Variants in NEGR1 observed in about 807,000 individuals in gnomAD.
NEGR1 encodes the protein IgLON family member 4.
A neutral mutation model predicts 40.9 loss-of-function variants in NEGR1; 10 were observed. The observed-to-expected ratio is 0.24, with a 90% CI of 0.15 to 0.42. The LOEUF is 0.42. Ranked by LOEUF, NEGR1 falls within the 10% of genes least tolerant of loss-of-function variation. The probability of loss-of-function intolerance (pLI) is 1.00; values close to 1 mark genes in which losing one functional copy is unlikely to be tolerated. For synonymous variants in NEGR1, 185 were observed against 166.8 expected, an observed-to-expected ratio of 1.11 and a Z score of -0.84; for missense variants, 352 against 438.9, an observed-to-expected ratio of 0.80 and a Z score of 1.77.
Position 71,848,727 on chromosome 1 carries a change from C to T in NEGR1, c.410-72430G>A, listed in dbSNP as rs187495778. Among the ~76,000 whole-genome samples, 396 of 152,324 alleles carry T rather than the reference C, an allele frequency of 2.6e-3. 1 individual carries two copies. Among genetic ancestry groups the T allele is most frequent in the African/African-American group, 8.7e-3 (362 of 41,578 alleles). ...TTAATGTTGCTTTCAGGCCCACTAA[C>T]GAAACATCCTTTTTGTAGCCCATGG... On this transcript the variant is annotated intron_variant, in intron 2 of 6. Coordinates refer to ENST00000357731, the MANE Select transcript of NEGR1 (RefSeq NM_173808.3).
chr1:71,483,834 A>G (rs552781094), intron 6 of NEGR1, among the ~76,000 whole-genome samples: 1 of 151,932 alleles, frequency 6.6e-6, no homozygotes, highest in African/African-American at 2.4e-5. Context: ...CATAAAATAA[A>G]TGAAAATGCC....
intron 2 of NEGR1, among the ~76,000 whole-genome samples, chr1:71,884,763 C>T (rs1041578404): frequency 2.0e-5 from 3 of 152,156 alleles, no homozygotes; most frequent in Admixed American, 1.3e-4. Context: ...GACAAAAAAA[C>T]CTATCAACAG....
rs369364525 is a variant in NEGR1 at position 71,597,412 on chromosome 1, T to TTATATATATA, written c.789-4454_789-4445dup. ...GCCTTTCTCAAGGATGGAGTTTTATTTATATATATATATATATATGTCTCT... is the reference window on the plus strand; with the variant it reads ...GCCTTTCTCAAGGATGGAGTTTTATTTATATATATATATATATATATATATATATGTCTCT... On this transcript the variant is annotated intron_variant, in intron 5 of 6. Transcript: ENST00000357731. Among the ~76,000 whole-genome samples, 549 of 120,456 alleles carry TTATATATATA rather than the reference T, an allele frequency of 4.6e-3. 6 individuals are homozygous for TTATATATATA. The highest frequency in any genetic ancestry group is 0.016 in the African/African-American group (462 of 29,348). 79.0% of individuals were successfully genotyped at this position (120,456 alleles called of 152,430 possible).
At chr1:71,729,079 C>G (rs975756356) in intron 3 of NEGR1, among the ~76,000 whole-genome samples, 5 of 151,822 alleles carry the variant, frequency 3.3e-5, no homozygotes, top group Non-Finnish European at 7.4e-5. Flanking sequence ...TTGCTCACAC[C>G]CTCTCCTTTT....
At chr1:71,765,722 T>G (rs557871494) in intron 3 of NEGR1, among the ~76,000 whole-genome samples, 1 of 152,320 alleles carries the variant, frequency 6.6e-6, no homozygotes, top group South Asian at 2.1e-4. Flanking sequence ...ATTGACATTA[T>G]TCACTATTCC....
chr1:71,897,184 C>A (rs187136280), intron 2 of NEGR1, among the ~76,000 whole-genome samples: 2 of 151,722 alleles, frequency 1.3e-5, no homozygotes, highest in Non-Finnish European at 2.9e-5. Flanking sequence ...TACTATAACT[C>A]GAAGTATTAT....
chr1:71,619,799 T>C (rs1650554665), intron 4 of NEGR1, among the ~76,000 whole-genome samples: 1 of 152,060 alleles, frequency 6.6e-6, no homozygotes, highest in Admixed American at 6.6e-5. Flanking sequence ...AGGATGAAGA[T>C]AATGAAAGTG....
chr1:71,972,435 A>G (rs1646264646), intron 1 of NEGR1, among the ~76,000 whole-genome samples: 1 of 152,208 alleles, frequency 6.6e-6, no homozygotes, highest in African/African-American at 2.4e-5. Flanking sequence ...TTCTACATAT[A>G]TGGGTCCTTT....
At chr1:72,167,931 A>G (rs985455566) in intron 1 of NEGR1, among the ~76,000 whole-genome samples, 1 of 151,900 alleles carries the variant, frequency 6.6e-6, no homozygotes, top group Non-Finnish European at 1.5e-5. Flanking sequence ...ACTTTGTAAA[A>G]ATTTTACAAA....
intron 1 of NEGR1, among the ~76,000 whole-genome samples, chr1:72,102,625 A>G (rs1221260422): frequency 6.6e-6 from 1 of 152,128 alleles, no homozygotes; most frequent in Non-Finnish European, 1.5e-5. Flanking sequence ...GGTTTTTGCT[A>G]TCTGCATACT....
chr1:72,014,059 G>T (rs1193279895), intron 1 of NEGR1, among the ~76,000 whole-genome samples: 3 of 148,572 alleles, frequency 2.0e-5, no homozygotes, highest in South Asian at 2.1e-4. Context: ...ATGCATATTA[G>T]CATTTAAAAA....
At chr1:71,477,379 A>T (rs1457870934) in intron 6 of NEGR1, 9 of 152,006 alleles carry the variant, frequency 5.9e-5, no homozygotes, top group African/African-American at 2.2e-4. Context: ...TTTCACAGGG[A>T]CTGGTCAAAG....
intron 6 of NEGR1, among the ~76,000 whole-genome samples, chr1:71,508,278 G>T (rs533465702): frequency 3.0e-4 from 45 of 152,258 alleles, no homozygotes; most frequent in Admixed American, 9.2e-4. Flanking sequence ...ACAGTTGAAT[G>T]CAGGTGGACT....
chr1:71,533,754 T>C (rs1256124968), intron 6 of NEGR1, among the ~76,000 whole-genome samples: 1 of 151,674 alleles, frequency 6.6e-6, no homozygotes, highest in African/African-American at 2.4e-5. Context: ...TTGTTTCTTT[T>C]GAAGTGTTAA....
intron 2 of NEGR1, among the ~76,000 whole-genome samples, chr1:71,807,399 A>G (rs1042589888): frequency 3.9e-5 from 6 of 152,180 alleles, no homozygotes; most frequent in African/African-American, 1.4e-4. Flanking sequence ...ATAAAGAACA[A>G]TAAAAAATAA....
chr1:71,879,052 G>A (rs1338325886), intron 2 of NEGR1, among the ~76,000 whole-genome samples: 1 of 151,702 alleles, frequency 6.6e-6, no homozygotes, highest in Non-Finnish European at 1.5e-5. Context: ...AGAATCACTT[G>A]AACCCGGGAG....
At chr1:71,960,381 T>C (rs1646155386) in intron 1 of NEGR1, among the ~76,000 whole-genome samples, 1 of 152,200 alleles carries the variant, frequency 6.6e-6, no homozygotes, top group African/African-American at 2.4e-5. Context: ...TGTTTTATAT[T>C]CTATGGTCAA....
At chr1:72,127,493 G>C (rs1316014215) in intron 1 of NEGR1, among the ~76,000 whole-genome samples, 1 of 116,730 alleles carries the variant, frequency 8.6e-6, no homozygotes, top group Non-Finnish European at 1.9e-5. Context: ...AAAAAAAAGG[G>C]AGAATTGCAA....
At chr1:71,791,245 T>C (rs1450551008) in intron 2 of NEGR1, among the ~76,000 whole-genome samples, 2 of 152,022 alleles carry the variant, frequency 1.3e-5, no homozygotes, top group African/African-American at 4.8e-5. Context: ...TTAAATAATA[T>C]TAAAGTTAAA....
Sources: allele counts gnomAD v4.1 joint callset (sites outside exome capture counted in the v4.1 genomes callset), GRCh38; gene constraint gnomAD v4.1.1; transcripts MANE v1.5; gene names NCBI Gene and HGNC (gene_info 2026-07-23, HGNC 2026-07-21).